DROSHA: variants seen among roughly 807,000 people sequenced by gnomAD.
The protein encoded by DROSHA is drosha ribonuclease III.
DROSHA carries 56 observed loss-of-function variants against 181.9 expected under a neutral mutation model. The ratio of observed to expected loss-of-function variants is 0.31; its 90% confidence interval spans 0.25 to 0.38. The LOEUF (loss-of-function observed/expected upper bound fraction) is 0.38, where lower values mean the gene tolerates loss of function less well. Ranked by LOEUF, DROSHA falls within the 10% of genes least tolerant of loss-of-function variation. The probability of loss-of-function intolerance (pLI) is 1.00; values close to 1 mark genes in which losing one functional copy is unlikely to be tolerated. For missense variants in DROSHA, 1,218 were observed against 1,743.5 expected (o/e 0.70, Z 5.37); for synonymous variants, 524 against 591.2 (o/e 0.89, Z 1.65).
At chr5:31,525,096 C>T (rs1416684031) in intron 5 of DROSHA, among the ~76,000 whole-genome samples, 1 of 151,652 alleles carries the variant, frequency 6.6e-6, no homozygotes, top group Non-Finnish European at 1.5e-5. Context: ...TTTGGGAGGC[C>T]GAGGGGGGCT....
intron 20 of DROSHA, among the ~76,000 whole-genome samples, chr5:31,460,581 A>G (rs908184371): frequency 1.3e-5 from 2 of 152,206 alleles, no homozygotes; most frequent in Admixed American, 1.3e-4. Flanking sequence ...TTCTATATCA[A>G]TGAACTACCA....
In DROSHA at chr5:31,515,437, A is replaced by AC. The variant is rs756181996; in HGVS notation, c.1058+16dup. The AC allele has an allele frequency of 5.6e-5, 67 of 1,188,278 alleles. No individual in the cohort carries two copies. The highest frequency in any genetic ancestry group is 1.1e-4 in the Admixed American group (5 of 44,950). 73.6% of individuals were successfully genotyped at this position (1,188,278 alleles called of 1,614,324 possible). A position where few individuals can be genotyped will look rare whatever the true frequency, so the allele number is the denominator to read the frequency against. ...TTAAAAATACAAATTCCCAGGCCCC[A>AC]CCCCAGATCTACTTACTGATTCACA... On this transcript the variant is annotated intron_variant, in intron 7 of 35. Transcript: ENST00000344624.
intron 9 of DROSHA, among the ~76,000 whole-genome samples, chr5:31,509,453 T>A (rs905708188): frequency 3.3e-5 from 5 of 152,128 alleles, no homozygotes. Context: ...TGGTGATAAT[T>A]TCAAAGAAGG....
Position 31,401,260 on chromosome 5 carries a change from A to G in DROSHA, c.*172T>C, listed in dbSNP as rs1579952854. ...GAAGAAAAATCTAATACTTTGTAAT[A>G]AAGACCATCCAGCTAAAAACAGATC... On this transcript the variant is annotated 3_prime_UTR_variant, in exon 36 of 36. Coordinates refer to ENST00000344624, the MANE Select transcript of DROSHA (RefSeq NM_001382508.1). 1 of 903,436 alleles carries G rather than the reference A, an allele frequency of 1.1e-6. No homozygotes were observed. Among genetic ancestry groups the G allele is most frequent in the East Asian group, 2.9e-5 (1 of 34,166 alleles). The allele number at this position is 903,436 out of a possible 1,614,324, so 56.0% of individuals were successfully genotyped here.
intron 21 of DROSHA, among the ~76,000 whole-genome samples, chr5:31,449,799 G>T (rs971783186): frequency 4.6e-5 from 7 of 152,042 alleles, no homozygotes; most frequent in African/African-American, 1.7e-4. Flanking sequence ...AGCAGGAAAG[G>T]GAGCTGTCTA....
At chr5:31,458,216 C>A (rs768126769) in intron 20 of DROSHA, among the ~76,000 whole-genome samples, 1 of 152,176 alleles carries the variant, frequency 6.6e-6, no homozygotes, top group Non-Finnish European at 1.5e-5. Flanking sequence ...ATATTTTCAA[C>A]CTACTCTGGG....
intron 18 of DROSHA, 140 bp downstream of exon 18, chr5:31,467,799 G>T: frequency 9.1e-7 from 1 of 1,096,602 alleles, no homozygotes; most frequent in Non-Finnish European, 1.3e-6. Context: ...TGTTTCATTT[G>T]GGTAATCTAA....
chr5:31,497,060 A>G (rs1753068390), intron 11 of DROSHA, among the ~76,000 whole-genome samples: 1 of 152,208 alleles, frequency 6.6e-6, no homozygotes, highest in Admixed American at 6.5e-5. Flanking sequence ...ACTCGGGATC[A>G]TCATTCCACA....
chr5:31,408,823 T>C (rs1025411405), intron 33 of DROSHA: 3 of 404,600 alleles, frequency 7.4e-6, no homozygotes, highest in Non-Finnish European at 1.3e-5. Context: ...ACAGAGATTT[T>C]TAGAAATGGG....
Position 31,401,314 on chromosome 5 carries a change from G to C in DROSHA, c.*118C>G. 7.4e-7 allele frequency: 1 copy of C among 1,344,032 alleles called. No individual in the cohort carries two copies. The highest frequency in any genetic ancestry group is 1.1e-6 in the Non-Finnish European group (1 of 947,102). 83.3% of individuals were successfully genotyped at this position (1,344,032 alleles called of 1,614,324 possible). ...AAAACAACAATAGCGATTTGACTCT[G>C]TATTTTATTTCAATGAGCACACTTC... is the stretch of plus-strand genomic sequence containing the variant. On this transcript the variant is annotated 3_prime_UTR_variant, in exon 36 of 36. Coordinates refer to ENST00000344624, the MANE Select transcript of DROSHA (RefSeq NM_001382508.1).
At chr5:31,403,151 C>G (rs140131904) in intron 35 of DROSHA, among the ~76,000 whole-genome samples, 292 of 152,316 alleles carry the variant, frequency 1.9e-3, no homozygotes, top group Admixed American at 3.6e-3. Context: ...TATTCCTGAA[C>G]TGATCAAATT....
chr5:31,520,861 T>C (rs1245937923), intron 6 of DROSHA, among the ~76,000 whole-genome samples: 2 of 152,300 alleles, frequency 1.3e-5, no homozygotes, highest in Admixed American at 1.3e-4. Context: ...ATGATTAATG[T>C]ATAGTTTTAT....
intron 16 of DROSHA, among the ~76,000 whole-genome samples, chr5:31,475,706 A>G (rs928579750): frequency 4.6e-5 from 7 of 152,244 alleles, no homozygotes; most frequent in African/African-American, 9.6e-5. Flanking sequence ...TAAGGACACA[A>G]TAGGGGTCTA....
intron 9 of DROSHA, among the ~76,000 whole-genome samples, chr5:31,509,175 G>A (rs187247205): frequency 1.3e-3 from 198 of 152,122 alleles, no homozygotes; most frequent in African/African-American, 4.5e-3. Context: ...CTAAAGGTAA[G>A]AAGAGTTCTT....
At chr5:31,520,096 G>C (rs568998702) in intron 6 of DROSHA, among the ~76,000 whole-genome samples, 2 of 152,070 alleles carry the variant, frequency 1.3e-5, no homozygotes, top group South Asian at 4.2e-4. Flanking sequence ...TTTTTTTAGA[G>C]GTGGTGCAAA....
At chr5:31,446,182 C>A (rs1027694884) in intron 23 of DROSHA, among the ~76,000 whole-genome samples, 42 of 152,154 alleles carry the variant, frequency 2.8e-4, no homozygotes, top group Admixed American at 1.2e-3. Flanking sequence ...CGTGGTGGCT[C>A]ACGCCTGTAA....
intron 30 of DROSHA, among the ~76,000 whole-genome samples, chr5:31,416,864 T>C (rs1340896801): frequency 1.3e-5 from 2 of 152,118 alleles, no homozygotes; most frequent in Non-Finnish European, 2.9e-5. Flanking sequence ...TAAGCTGGGA[T>C]AGGATGATCA....
intron 23 of DROSHA, 27 bp downstream of exon 23, chr5:31,448,520 A>G (rs376347730): frequency 2.6e-5 from 41 of 1,586,680 alleles, no homozygotes; most frequent in Non-Finnish European, 3.3e-5. Context: ...TATATCAATC[A>G]GGTTGTTTAT....
rs975019115 is a variant in DROSHA at position 31,411,687 on chromosome 5, C to T, written c.3526-800G>A. ...TTGCCTAGGCTGGAGTGCAGTGGTG[C>T]ACCATCTTGGCTCACTGCAACCTCC... On this transcript the variant is annotated intron_variant, in intron 30 of 35. Transcript: ENST00000344624. This position sits in a 1 kb window ranked among gnomAD's most constrained non-coding sequence, Gnocchi z 4.2. Among the ~76,000 whole-genome samples the T allele has an allele frequency of 9.2e-5, 14 of 151,932 alleles. No individual in the cohort carries two copies. Among genetic ancestry groups the T allele is most frequent in the Admixed American group, 8.5e-4 (13 of 15,262 alleles).
Sources: allele counts gnomAD v4.1 joint callset (sites outside exome capture counted in the v4.1 genomes callset), GRCh38; gene constraint gnomAD v4.1.1; non-coding constraint Gnocchi (gnomAD v3.1); transcripts MANE v1.5; gene names NCBI Gene and HGNC (gene_info 2026-07-23, HGNC 2026-07-21).